The following RNF216 variants were observed in gnomAD, a reference collection of about 807,000 sequenced individuals.
RNF216 encodes the protein E3 ubiquitin-protein ligase RNF216.
In RNF216, 72 loss-of-function variants were observed where a neutral mutation model predicts 110.8. The observed-to-expected ratio is 0.65, with a 90% CI of 0.54 to 0.79. The LOEUF (loss-of-function observed/expected upper bound fraction) is 0.79. Among genes scored for constraint, RNF216 ranks in the 30% least tolerant of loss-of-function variants. The pLI, the probability that RNF216 is intolerant of heterozygous loss-of-function variation, is 0.00. For synonymous variants in RNF216, 495 were observed against 407.5 expected, an observed-to-expected ratio of 1.21 and a Z score of -2.59; for missense variants, 1,342 against 1,141.2, an observed-to-expected ratio of 1.18 and a Z score of -2.54.
At chr7:5,626,779 G>T (rs1283555111) in intron 15 of RNF216, among the ~76,000 whole-genome samples, 1 of 152,158 alleles carries the variant, frequency 6.6e-6, no homozygotes. Context: ...GAGTATCCCT[G>T]CGTCCAGGAA....
intron 14 of RNF216, among the ~76,000 whole-genome samples, chr7:5,650,876 T>C (rs1413919675): frequency 6.6e-6 from 1 of 152,182 alleles, no homozygotes; most frequent in Non-Finnish European, 1.5e-5. Flanking sequence ...TACCCACCTG[T>C]GCTGCATACT....
intron 13 of RNF216, among the ~76,000 whole-genome samples, chr7:5,708,902 C>T (rs1792475665): frequency 6.6e-6 from 1 of 152,144 alleles, no homozygotes; most frequent in Non-Finnish European, 1.5e-5. Flanking sequence ...AAGCAGCCTT[C>T]GAGGTGCACT....
At chr7:5,767,335 CCTGAGGCAGAAGCAGCAATTTCAATGGG>C (rs1796257621) in intron 1 of RNF216, among the ~76,000 whole-genome samples, 1 of 152,096 alleles carries the variant, frequency 6.6e-6, no homozygotes, top group African/African-American at 2.4e-5. Flanking sequence ...AAAAAATGGA[CCTGAGGCAGAAGCAGCAATTTCAATGGG>C]CTGAGGAGTT....
chr7:5,751,533 T>C (rs1795327670), intron 3 of RNF216, among the ~76,000 whole-genome samples: 1 of 152,202 alleles, frequency 6.6e-6, no homozygotes, highest in Admixed American at 6.5e-5. Flanking sequence ...CAGGGCAGTT[T>C]AAATCTTCAT....
chr7:5,661,603 G>A (rs1055386027), intron 13 of RNF216, among the ~76,000 whole-genome samples: 8 of 152,138 alleles, frequency 5.3e-5, no homozygotes, highest in African/African-American at 1.9e-4. Flanking sequence ...AGGAGTTTGA[G>A]ACCAGCCTGG....
At chr7:5,726,218 G>C (rs1793743378) in intron 7 of RNF216, among the ~76,000 whole-genome samples, 1 of 152,164 alleles carries the variant, frequency 6.6e-6, no homozygotes, top group Non-Finnish European at 1.5e-5. Context: ...CAGGGTTGCA[G>C]TGAGCCATGA....
chr7:5,670,161 T>C (rs1789810456), intron 13 of RNF216, among the ~76,000 whole-genome samples: 1 of 152,104 alleles, frequency 6.6e-6, no homozygotes. Flanking sequence ...CTCAAACTCC[T>C]GACCTCAAGT....
intron 13 of RNF216, among the ~76,000 whole-genome samples, chr7:5,669,937 T>C (rs1449170744): frequency 6.6e-6 from 1 of 151,896 alleles, no homozygotes; most frequent in South Asian, 2.1e-4. Flanking sequence ...AATCCTTTTT[T>C]TTTTTTTGAG....
intron 9 of RNF216, 71 bp downstream of exon 9, chr7:5,720,962 G>C: frequency 1.4e-6 from 2 of 1,450,676 alleles, no homozygotes; most frequent in South Asian, 1.2e-5. Flanking sequence ...AGACAGTTTT[G>C]TACTAACTAA....
chr7:5,633,900 T>C (rs571762319), intron 15 of RNF216, among the ~76,000 whole-genome samples: 55 of 152,298 alleles, frequency 3.6e-4, no homozygotes, highest in African/African-American at 1.3e-3. Context: ...CATCCTCCCT[T>C]AGCTTGTCCC....
intron 14 of RNF216, among the ~76,000 whole-genome samples, chr7:5,645,977 C>A (rs765747779): frequency 6.6e-6 from 1 of 152,198 alleles, no homozygotes; most frequent in Non-Finnish European, 1.5e-5. Flanking sequence ...TTTCACCTGG[C>A]TTTCTGAGCA....
intron 13 of RNF216, among the ~76,000 whole-genome samples, chr7:5,681,805 G>A (rs1343587549): frequency 6.6e-6 from 1 of 152,144 alleles, no homozygotes; most frequent in African/African-American, 2.4e-5. Flanking sequence ...CCTCAATCCT[G>A]ACTACATAAA....
chr7:5,665,353 T>TC, intron 13 of RNF216, among the ~76,000 whole-genome samples: 1 of 152,288 alleles, frequency 6.6e-6, no homozygotes, highest in Non-Finnish European at 1.5e-5. Flanking sequence ...GGAAAGGGCT[T>TC]CTTTGGGGAA....
At chr7:5,736,882 G>A (rs1296022064) in intron 5 of RNF216, among the ~76,000 whole-genome samples, 3 of 149,576 alleles carry the variant, frequency 2.0e-5, no homozygotes, top group Non-Finnish European at 3.0e-5. Context: ...CCCTCCGCCC[G>A]GCAGCCGCCC....
chr7:5,686,167 G>A (rs1790971135), intron 13 of RNF216, among the ~76,000 whole-genome samples: 1 of 149,636 alleles, frequency 6.7e-6, no homozygotes, highest in Non-Finnish European at 1.5e-5. Context: ...AGGTTGCAGT[G>A]AGCCGAGATC....
intron 14 of RNF216, among the ~76,000 whole-genome samples, chr7:5,646,341 T>G (rs1236298084): frequency 6.7e-6 from 1 of 149,788 alleles, no homozygotes; most frequent in African/African-American, 2.5e-5. Flanking sequence ...GCCACTGCAC[T>G]CCAGACGGGG....
chr7:5,709,255 T>G (rs1343979473), intron 13 of RNF216, among the ~76,000 whole-genome samples: 1 of 152,158 alleles, frequency 6.6e-6, no homozygotes, highest in Non-Finnish European at 1.5e-5. Flanking sequence ...GTCTGAATAT[T>G]AGATATATGT....
intron 1 of RNF216, among the ~76,000 whole-genome samples, chr7:5,765,952 CAAAA>C (rs138328361): frequency 9.8e-6 from 1 of 102,386 alleles, no homozygotes; most frequent in Non-Finnish European, 1.9e-5. Context: ...GACTCTGTCT[CAAAA>C]AAAAAAAAAA....
intron 13 of RNF216, among the ~76,000 whole-genome samples, chr7:5,688,697 C>T (rs1381548183): frequency 2.6e-5 from 4 of 152,198 alleles, no homozygotes; most frequent in East Asian, 3.8e-4. Flanking sequence ...CTGGAGACTT[C>T]CTTATCCATA....
Sources: allele counts gnomAD v4.1 joint callset (sites outside exome capture counted in the v4.1 genomes callset), GRCh38; gene constraint gnomAD v4.1.1; transcripts MANE v1.5; gene names NCBI Gene and HGNC (gene_info 2026-07-23, HGNC 2026-07-21).